The following UBASH3A variants were observed in gnomAD, a reference collection of about 807,000 sequenced individuals.
The protein encoded by UBASH3A is ubiquitin-associated and SH3 domain-containing protein A.
Under a neutral mutation model 73.5 loss-of-function variants are expected in UBASH3A, and 63 were observed. The ratio of observed to expected loss-of-function variants is 0.86; its 90% CI spans 0.70 to 1.06. The LOEUF (loss-of-function observed/expected upper bound fraction) is 1.06, where lower values mean the gene tolerates loss of function less well. UBASH3A is among the 50% of genes least tolerant of loss of function. The pLI is 0.00. For missense variants in UBASH3A, 860 were observed against 859.0 expected (o/e 1.00, Z -0.02); for synonymous variants, 363 against 351.1 (o/e 1.03, Z -0.38).
intron 7 of UBASH3A, among the ~76,000 whole-genome samples, chr21:42,421,392 G>A (rs1026887545): frequency 3.3e-5 from 5 of 152,160 alleles, no homozygotes; most frequent in Non-Finnish European, 7.4e-5. Flanking sequence ...ACACCATCGT[G>A]GCCATCCCTC....
chr21:42,439,107 G>A (rs1156867740), intron 11 of UBASH3A, among the ~76,000 whole-genome samples: 3 of 152,120 alleles, frequency 2.0e-5, no homozygotes, highest in Non-Finnish European at 1.5e-5. Context: ...CAGGTGCCCA[G>A]GAAGCCCCAG....
intron 14 of UBASH3A, 122 bp from the exon 15 acceptor site, chr21:42,446,935 C>A: frequency 1.8e-6 from 2 of 1,135,814 alleles, no homozygotes; most frequent in Non-Finnish European, 1.2e-6. Context: ...GGTGGCAGTG[C>A]CAGCCTGGGC....
chr21:42,406,317 G>T lies in UBASH3A; in HGVS notation c.123G>T (p.Ala41=). ...GTCTGCTCTTCTGCAGGCTGAAAGC[G>T]TTGGCAGCCACGGGGAGGAAGACGG... ...MGFPVHTALK[A]LAATGRKTAE... is the part of the protein sequence containing the mutation. Residue 41 remains alanine (A), a synonymous_variant, in exon 2 of 15, where the codon GCG becomes GCT. Transcript: ENST00000319294. The T allele has an allele frequency of 6.2e-7, 1 of 1,614,052 alleles. No homozygotes were observed. Among genetic ancestry groups the T allele is most frequent in the Non-Finnish European group, 8.5e-7 (1 of 1,179,924 alleles).
At chr21:42,430,072 G>A (rs1271763765) in intron 8 of UBASH3A, among the ~76,000 whole-genome samples, 2 of 152,124 alleles carry the variant, frequency 1.3e-5, no homozygotes, top group African/African-American at 4.8e-5. Flanking sequence ...GCTGCCCGTG[G>A]TGCTGACCCC....
chr21:42,417,328 G>A (rs2053231888), intron 6 of UBASH3A, among the ~76,000 whole-genome samples: 2 of 149,054 alleles, frequency 1.3e-5, no homozygotes, highest in African/African-American at 2.5e-5. Flanking sequence ...GGAGGCTGAG[G>A]CAGAAGAATC....
chr21:42,425,329 T>A (rs2053415742), intron 7 of UBASH3A, among the ~76,000 whole-genome samples: 1 of 152,238 alleles, frequency 6.6e-6, no homozygotes, highest in Non-Finnish European at 1.5e-5. Flanking sequence ...TCCGTTTCTC[T>A]CTGTAAACCT....
In UBASH3A at chr21:42,419,375, A is replaced by G. The variant is rs370264856; in HGVS notation, c.1046+766A>G. Reference sequence around the variant, plus strand: ...GCTTCACTATAAATAACATGAAGAAACCAGGTGATACACTTAACACTTTGT... The same window carrying G: ...GCTTCACTATAAATAACATGAAGAAGCCAGGTGATACACTTAACACTTTGT... On this transcript the variant is annotated intron_variant, in intron 7 of 14. Transcript: ENST00000319294. Among the ~76,000 whole-genome samples, 3 of 152,336 alleles carry G rather than the reference A, an allele frequency of 2.0e-5. 1 individual carries two copies. The highest frequency in any genetic ancestry group is 1.9e-4 in the East Asian group (1 of 5,194).
intron 11 of UBASH3A, among the ~76,000 whole-genome samples, chr21:42,438,156 T>TA (rs1251953127): frequency 1.3e-5 from 2 of 152,124 alleles, no homozygotes. Context: ...GGAAGAGGGA[T>TA]AAGATCTCGG....
At chr21:42,422,895 C>A (rs772214786) in intron 7 of UBASH3A, among the ~76,000 whole-genome samples, 5 of 152,050 alleles carry the variant, frequency 3.3e-5, no homozygotes, top group Non-Finnish European at 7.3e-5. Context: ...AAACTTCTAA[C>A]CATGGTTACC....
At chr21:42,405,129 T>A (rs760576306) in intron 1 of UBASH3A, among the ~76,000 whole-genome samples, 5 of 152,212 alleles carry the variant, frequency 3.3e-5, no homozygotes, top group Non-Finnish European at 5.9e-5. Flanking sequence ...GAAGTAACTC[T>A]GAAGCTAGAC....
At chr21:42,411,334 T>A (rs2053089987) in intron 3 of UBASH3A, among the ~76,000 whole-genome samples, 1 of 149,424 alleles carries the variant, frequency 6.7e-6, no homozygotes. Context: ...CACAGATACA[T>A]GCACATAGAC....
At chr21:42,428,047 TATAAG>T (rs2053469506) in intron 8 of UBASH3A, among the ~76,000 whole-genome samples, 1 of 152,012 alleles carries the variant, frequency 6.6e-6, no homozygotes, top group African/African-American at 2.4e-5. Context: ...CTGCTGCCCT[TATAAG>T]AAGAGGGGAT....
chr21:42,443,678 T>C (rs2053793610), intron 13 of UBASH3A, among the ~76,000 whole-genome samples: 1 of 143,948 alleles, frequency 6.9e-6, no homozygotes. Flanking sequence ...GAATGATCTC[T>C]GAGATGGAAA....
chr21:42,447,638 G>GTAA lies in UBASH3A; in HGVS notation c.*447_*449dup, dbSNP rs2053866141. 3 of 152,990 alleles carry GTAA rather than the reference G, an allele frequency of 2.0e-5. No individual in the cohort carries two copies. The Admixed American group carries it at 2.0e-4, about 10-fold the overall frequency. The allele number at this position is 152,990 out of a possible 1,614,324, so 9.5% of individuals were successfully genotyped here. Reference sequence around the variant, plus strand: ...CATATCCACATGGGCTAAAACAGGTGTAATAGTCAATAAAATGGTCCCAGA... The same window carrying GTAA: ...CATATCCACATGGGCTAAAACAGGTGTAATAATAGTCAATAAAATGGTCCCAGA... On this transcript the variant is annotated 3_prime_UTR_variant, in exon 15 of 15. Coordinates refer to ENST00000319294, the MANE Select transcript of UBASH3A (RefSeq NM_018961.4).
In UBASH3A at chr21:42,447,160, C is replaced by T; in HGVS notation, c.1952C>T (p.Ala651Val). The change falls in exon 15 of 15, where the codon GCA becomes GTA. Residue 651 changes from alanine to valine, a missense_variant. Physicochemically the swap from Ala to Val is moderately conservative, Grantham distance 64. Transcript: ENST00000319294. ...ACCCTGACCCACGGGGCGAACGCAG[C>T]ATTTAACTGGAGGAACTGGATCTCA... ...VKTLTHGANAAFNWRNWISGN is the reference protein window; with the variant it reads ...VKTLTHGANAVFNWRNWISGN 1.2e-6 allele frequency: 2 copies of T among 1,614,136 alleles called. No individual in the cohort carries two copies. Among genetic ancestry groups the T allele is most frequent in the East Asian group, 2.2e-5 (1 of 44,882 alleles).
At chr21:42,436,167 A>C (rs971076048) in intron 10 of UBASH3A, among the ~76,000 whole-genome samples, 1 of 151,710 alleles carries the variant, frequency 6.6e-6, no homozygotes, top group Non-Finnish European at 1.5e-5. Context: ...CTATAGAGTC[A>C]TAGAGTTATA....
At chr21:42,421,877 A>G (rs1373602921) in intron 7 of UBASH3A, among the ~76,000 whole-genome samples, 1 of 152,258 alleles carries the variant, frequency 6.6e-6, no homozygotes, top group Non-Finnish European at 1.5e-5. Flanking sequence ...AAGATGGTTT[A>G]ATAGTACCTG....
At chr21:42,434,413 C>T (rs2053590573) in intron 9 of UBASH3A, among the ~76,000 whole-genome samples, 1 of 152,212 alleles carries the variant, frequency 6.6e-6, no homozygotes, top group African/African-American at 2.4e-5. Flanking sequence ...CCAGCTCAAG[C>T]ACTCTGTCCC....
At chr21:42,418,644 C>T (rs2053272915) in intron 7 of UBASH3A, 35 bp downstream of exon 7, 2 of 1,585,882 alleles carry the variant, frequency 1.3e-6, no homozygotes, top group East Asian at 4.6e-5. Context: ...CCCGTCATCT[C>T]TCTCTGAGTT....
Sources: allele counts gnomAD v4.1 joint callset (sites outside exome capture counted in the v4.1 genomes callset), GRCh38; gene constraint gnomAD v4.1.1; transcripts MANE v1.5; gene names NCBI Gene and HGNC (gene_info 2026-07-23, HGNC 2026-07-21).